GDI2: variants seen among roughly 807,000 people sequenced by gnomAD.
GDI2 encodes rab GDP dissociation inhibitor beta.
GDI2 carries 22 observed loss-of-function variants against 54.2 expected under a neutral mutation model. The ratio of observed to expected loss-of-function variants is 0.41; its 90% CI spans 0.29 to 0.58. The LOEUF (loss-of-function observed/expected upper bound fraction) is 0.58. GDI2 is among the 20% of genes least tolerant of loss of function. GDI2 has a pLI of 0.35. For synonymous variants in GDI2, 177 were observed against 182.1 expected, an observed-to-expected ratio of 0.97 and a Z score of 0.23; for missense variants, 422 against 546.0, an observed-to-expected ratio of 0.77 and a Z score of 2.26.
chr10:5,796,974 G>A (rs1841160224), intron 2 of GDI2, 112 bp from the exon 3 acceptor site: 2 of 580,696 alleles, frequency 3.4e-6, no homozygotes, highest in Non-Finnish European at 6.1e-6. Context: ...CACCATGCTA[G>A]TAAAGTATAA....
At chr10:5,790,682 T>C (rs1265113954) in intron 4 of GDI2, among the ~76,000 whole-genome samples, 3 of 152,132 alleles carry the variant, frequency 2.0e-5, no homozygotes, top group Non-Finnish European at 4.4e-5. Context: ...AAATAAATGT[T>C]AATCAACTAC....
intron 4 of GDI2, among the ~76,000 whole-genome samples, chr10:5,788,761 T>C (rs1470034808): frequency 6.9e-6 from 1 of 145,134 alleles, no homozygotes; most frequent in East Asian, 2.0e-4. Context: ...TTTGGAGGTT[T>C]GCATGTTTTT....
intron 6 of GDI2, among the ~76,000 whole-genome samples, chr10:5,784,624 T>C (rs554394702): frequency 6.6e-6 from 1 of 152,352 alleles, no homozygotes; most frequent in Admixed American, 6.5e-5. Context: ...GATGCTCCCT[T>C]GATGTGGTGC....
Position 5,765,369 on chromosome 10 carries a change from C to T in GDI2, c.*637G>A, listed in dbSNP as rs1018589483. On this transcript the variant is annotated 3_prime_UTR_variant, in exon 11 of 11. Coordinates refer to ENST00000380191, the MANE Select transcript of GDI2 (RefSeq NM_001494.4). ...CCTGAGATACAAAAGATGCACTACACTTGACCCGCTTTATGTTCGCTTCCT... is the reference window on the plus strand; with the variant it reads ...CCTGAGATACAAAAGATGCACTACATTTGACCCGCTTTATGTTCGCTTCCT... 1 of 152,796 alleles carries T rather than the reference C, an allele frequency of 6.5e-6. No individual in the cohort carries two copies. The highest frequency in any genetic ancestry group is 2.4e-5 in the African/African-American group (1 of 41,474). The allele number at this position is 152,796 out of a possible 1,614,324, so 9.5% of individuals were successfully genotyped here.
chr10:5,800,065 C>T (rs1031309196), intron 2 of GDI2, among the ~76,000 whole-genome samples: 5 of 152,160 alleles, frequency 3.3e-5, no homozygotes, highest in Admixed American at 3.3e-4. Flanking sequence ...ACACAGTACA[C>T]ATCATATCCA....
chr10:5,769,965 C>T (rs1840447942), intron 7 of GDI2, among the ~76,000 whole-genome samples: 1 of 152,152 alleles, frequency 6.6e-6, no homozygotes, highest in Admixed American at 6.5e-5. Flanking sequence ...AATACATTCA[C>T]AAAAACATGG....
chr10:5,786,034 A>G lies in GDI2; in HGVS notation c.405T>C (p.Phe135=). Residue 135 remains phenylalanine, a synonymous_variant, in exon 5 of 11, where the codon TTT becomes TTC. Transcript: ENST00000380191. ...GGAATTTCCTGAAGCGACGTTTTTCAAACAATCCCATTAGGCCTAAATAAA... is the reference window on the plus strand; with the variant it reads ...GGAATTTCCTGAAGCGACGTTTTTCGAACAATCCCATTAGGCCTAAATAAA... ...EALASSLMGL[F]EKRRFRKFLV... is the part of the protein sequence containing the mutation. 6.8e-6 allele frequency: 11 copies of G among 1,612,190 alleles called. No homozygotes were observed. Among genetic ancestry groups the G allele is most frequent in the Non-Finnish European group, 9.3e-6 (11 of 1,178,406 alleles).
In GDI2 at chr10:5,768,091, C is replaced by A; in HGVS notation, c.991+122G>T. Reference sequence around the variant, plus strand: ...GGAGGAGGTACAAAGATTTTTTTCCCCCATATGTAAACCAAGGTCTGTTCA... The same window carrying A: ...GGAGGAGGTACAAAGATTTTTTTCCACCATATGTAAACCAAGGTCTGTTCA... On this transcript the variant is annotated intron_variant, in intron 8 of 10. Transcript: ENST00000380191. This position sits in a 1 kb window ranked among gnomAD's most constrained non-coding sequence, Gnocchi z 4.4. 1.3e-6 allele frequency: 1 copy of A among 760,800 alleles called. No homozygotes were observed. Among genetic ancestry groups the A allele is most frequent in the Non-Finnish European group, 2.2e-6 (1 of 458,568 alleles). The allele number at this position is 760,800 out of a possible 1,614,324, so 47.1% of individuals were successfully genotyped here. A position where few individuals can be genotyped will look rare whatever the true frequency, so the allele number is the denominator to read the frequency against.
Position 5,813,317 on chromosome 10 carries a change from C to T in GDI2, c.-59G>A. On this transcript the variant is annotated 5_prime_UTR_variant, in exon 1 of 11. Transcript: ENST00000380191. The stretch of plus-strand genomic sequence containing the variant: ...GGAAAAGGCGCAGGGGCTCCGTGAC[C>T]ACCCTACGAGGCTGGGAGGCGCTCT... The T allele has an allele frequency of 1.5e-6, 2 of 1,300,750 alleles. No homozygotes were observed. The highest frequency in any genetic ancestry group is 2.2e-6 in the Non-Finnish European group (2 of 921,218). The allele number at this position is 1,300,750 out of a possible 1,614,324, so 80.6% of individuals were successfully genotyped here.
intron 6 of GDI2, among the ~76,000 whole-genome samples, chr10:5,782,750 A>G (rs1840788123): frequency 6.6e-6 from 1 of 152,238 alleles, no homozygotes; most frequent in African/African-American, 2.4e-5. Context: ...ACTGACCAAC[A>G]TGGTGAAACC....
chr10:5,778,210 C>T (rs1840669563), intron 6 of GDI2, among the ~76,000 whole-genome samples: 1 of 152,108 alleles, frequency 6.6e-6, no homozygotes, highest in African/African-American at 2.4e-5. Context: ...AGCAAAACAC[C>T]ATGGCACATG....
intron 4 of GDI2, among the ~76,000 whole-genome samples, chr10:5,791,151 A>G (rs1397292318): frequency 6.6e-6 from 1 of 151,970 alleles, no homozygotes; most frequent in Non-Finnish European, 1.5e-5. Flanking sequence ...AAATTGCACC[A>G]TTATAGGCAT....
intron 1 of GDI2, among the ~76,000 whole-genome samples, chr10:5,807,341 C>T (rs894585982): frequency 6.6e-6 from 1 of 152,160 alleles, no homozygotes; most frequent in African/African-American, 2.4e-5. Context: ...AAGCAAAGCA[C>T]ATTAAAGCCA....
chr10:5,793,754 A>G (rs1306543029), intron 4 of GDI2, among the ~76,000 whole-genome samples: 2 of 152,210 alleles, frequency 1.3e-5, no homozygotes, highest in African/African-American at 4.8e-5. Context: ...AAACATCTTG[A>G]AGAACAAAAA....
At chr10:5,783,175 G>GTTAAA (rs968652520) in intron 6 of GDI2, among the ~76,000 whole-genome samples, 1 of 152,030 alleles carries the variant, frequency 6.6e-6, no homozygotes, top group Non-Finnish European at 1.5e-5. Flanking sequence ...TCAGGTTTTA[G>GTTAAA]TTAAACCCAG....
At chr10:5,801,064 G>A (rs1442093822) in intron 1 of GDI2, among the ~76,000 whole-genome samples, 1 of 151,926 alleles carries the variant, frequency 6.6e-6, no homozygotes, top group African/African-American at 2.4e-5. Flanking sequence ...CAGTTCTCCT[G>A]CCTCAGCCTC....
intron 4 of GDI2, among the ~76,000 whole-genome samples, chr10:5,792,429 T>C (rs1317561015): frequency 6.6e-6 from 1 of 152,200 alleles, no homozygotes; most frequent in Non-Finnish European, 1.5e-5. Flanking sequence ...ATAAAACAAC[T>C]GGTACTTATC....
chr10:5,796,703 G>A, intron 3 of GDI2, 60 bp downstream of exon 3: 1 of 858,550 alleles, frequency 1.2e-6, no homozygotes, highest in Non-Finnish European at 2.0e-6. Flanking sequence ...TCAAAAGTTA[G>A]TTTTGATATT....
rs11597948 is a variant in GDI2 at position 5,770,094 on chromosome 10, G to A, written c.820-1710C>T. 6.1e-3 allele frequency among the ~76,000 whole-genome samples: 931 copies of A among 152,274 alleles called. 16 individuals are homozygous for A. The highest frequency in any genetic ancestry group is 0.045 in the South Asian group (216 of 4,828). On this transcript the variant is annotated intron_variant, in intron 7 of 10. Transcript: ENST00000380191. ...ACATGCTACAACACAGATGAACCATGGACATCATGCTAAGTGAAATAAACT... is the reference window on the plus strand; with the variant it reads ...ACATGCTACAACACAGATGAACCATAGACATCATGCTAAGTGAAATAAACT...
Sources: gnomAD v4.1 joint callset for allele counts (sites outside exome capture counted in the v4.1 genomes callset) on GRCh38, gnomAD v4.1.1 for gene constraint, Gnocchi (gnomAD v3.1) non-coding constraint, MANE v1.5 for transcripts, NCBI Gene and HGNC (gene_info 2026-07-23, HGNC 2026-07-21) for gene names.